Variants in POLA1 observed in about 807,000 individuals in gnomAD.
POLA1 encodes DNA polymerase alpha catalytic subunit.
POLA1 carries 15 observed loss-of-function variants against 124.0 expected under a neutral mutation model. The ratio of observed to expected loss-of-function variants is 0.12; its 90% confidence interval spans 0.08 to 0.19. POLA1 has a LOEUF of 0.19. POLA1 is among the 10% of genes least tolerant of loss of function. The probability of loss-of-function intolerance (pLI) is 1.00; values close to 1 mark genes in which losing one functional copy is unlikely to be tolerated. For synonymous variants in POLA1, 408 were observed against 389.4 expected, an observed-to-expected ratio of 1.05 and a Z score of -0.56; for missense variants, 886 against 1,103.4, an observed-to-expected ratio of 0.80 and a Z score of 2.79.
At chrX:24,812,606 T>C in intron 28 of POLA1, 52 bp from the exon 29 acceptor site, 2 of 720,041 alleles carry the variant, frequency 2.8e-6, no homozygotes, top group Non-Finnish European at 4.2e-6. Flanking sequence ...ATGTTCATCT[T>C]CTCCCTATTA....
At chrX:24,744,510 T>C (rs778905252) in intron 23 of POLA1, 9 of 354,796 alleles carry the variant, frequency 2.5e-5, no homozygotes, top group Admixed American at 2.4e-4. Flanking sequence ...TACAGAAATA[T>C]AGTAGCTTTC....
chrX:24,947,346 C>A (rs1463771417), intron 36 of POLA1, among the ~76,000 whole-genome samples: 3 of 94,699 alleles, frequency 3.2e-5, no homozygotes, highest in Admixed American at 1.3e-4. Context: ...CGGCTCACTG[C>A]AGCCTTGACT....
At position 24,897,361 on chromosome X, in the gene POLA1, C is replaced by A. The variant is rs766372867; in HGVS notation, c.4164+9239C>A. Among the ~76,000 whole-genome samples the A allele has an allele frequency of 2.0e-3, 203 of 102,889 alleles. 2 individuals are homozygous for A. The highest frequency in any genetic ancestry group is 3.4e-3 in the Non-Finnish European group (173 of 50,207). 89.3% of individuals were successfully genotyped at this position (102,889 alleles called of 115,157 possible). The stretch of plus-strand genomic sequence containing the variant: ...TGCCTTCCTCTTCTCTTCACTGCCC[C>A]CCCCCCCACCAACCCCCACCTCAGC... On this transcript the variant is annotated intron_variant, in intron 35 of 36. Transcript: ENST00000379068.
chrX:24,918,020 G>A (rs772305777), intron 35 of POLA1, among the ~76,000 whole-genome samples: 12 of 110,929 alleles, frequency 1.1e-4, no homozygotes, highest in African/African-American at 3.6e-4. Context: ...GAAGCAGTCT[G>A]TCCGACTCTG....
chrX:24,990,945 G>A (rs1342213816), intron 36 of POLA1, among the ~76,000 whole-genome samples: 2 of 111,881 alleles, frequency 1.8e-5, no homozygotes, highest in African/African-American at 6.5e-5. Context: ...CCATCTCTCA[G>A]TGATGATGAC....
intron 36 of POLA1, among the ~76,000 whole-genome samples, chrX:24,943,490 A>G (rs1005808839): frequency 2.7e-5 from 3 of 112,534 alleles, no homozygotes; most frequent in Non-Finnish European, 1.9e-5. Flanking sequence ...CTTCAAGTTT[A>G]CTGGTATATT....
At chrX:24,882,684 GGTGTGTGTGT>G (rs57530564) in intron 34 of POLA1, among the ~76,000 whole-genome samples, 142 of 87,604 alleles carry the variant, frequency 1.6e-3, no homozygotes, top group African/African-American at 2.0e-3. Flanking sequence ...TATATTCCAT[GGTGTGTGTGT>G]GTGTGTGTGT....
At chrX:24,726,726 A>G (rs1167631062) in intron 13 of POLA1, among the ~76,000 whole-genome samples, 1 of 111,252 alleles carries the variant, frequency 9.0e-6, no homozygotes, top group Non-Finnish European at 1.9e-5. Context: ...TGTCATCAAG[A>G]TGCATTATTT....
chrX:24,924,066 G>A (rs2047657824), intron 35 of POLA1, among the ~76,000 whole-genome samples: 1 of 112,066 alleles, frequency 8.9e-6, no homozygotes, highest in Admixed American at 9.5e-5. Context: ...AGACACTCAT[G>A]TTCAAGAGTT....
At chrX:24,895,399 C>A (rs1449562477) in intron 35 of POLA1, among the ~76,000 whole-genome samples, 1 of 112,082 alleles carries the variant, frequency 8.9e-6, no homozygotes, top group Non-Finnish European at 1.9e-5. Flanking sequence ...GCACACGCTT[C>A]TGAAGCCATC....
intron 36 of POLA1, among the ~76,000 whole-genome samples, chrX:24,970,107 A>T (rs1423322179): frequency 8.9e-6 from 1 of 112,117 alleles, no homozygotes; most frequent in Non-Finnish European, 1.9e-5. Flanking sequence ...GTCTCTGCAG[A>T]CATAAAGACA....
At chrX:24,714,294 A>C (rs778793844) in intron 4 of POLA1, among the ~76,000 whole-genome samples, 6 of 111,399 alleles carry the variant, frequency 5.4e-5, no homozygotes, top group Admixed American at 9.5e-5. Flanking sequence ...AGTAGCTGGG[A>C]CTGCAGGCGC....
intron 35 of POLA1, among the ~76,000 whole-genome samples, chrX:24,930,186 GT>G (rs2047754193): frequency 8.9e-6 from 1 of 112,351 alleles, no homozygotes; most frequent in African/African-American, 3.2e-5. Context: ...ACAAAATCAG[GT>G]TTTTGACAGC....
chrX:24,732,589 G>GTT (rs1197349636), intron 16 of POLA1, 135 bp downstream of exon 16: 89 of 116,338 alleles, frequency 7.7e-4, no homozygotes, highest in Middle Eastern at 2.6e-3. Flanking sequence ...AGAGGGTTTT[G>GTT]TTTTTTTTTG....
intron 34 of POLA1, among the ~76,000 whole-genome samples, chrX:24,885,083 C>G (rs1342650360): frequency 8.9e-6 from 1 of 111,991 alleles, no homozygotes; most frequent in Non-Finnish European, 1.9e-5. Context: ...GAAAAGAACT[C>G]TATAGTTTTT....
chrX:24,706,840 T>C (rs1334802564), intron 4 of POLA1, among the ~76,000 whole-genome samples: 2 of 112,556 alleles, frequency 1.8e-5, no homozygotes, highest in East Asian at 5.5e-4. Flanking sequence ...TTTGTTTGTA[T>C]TCAAATTTCA....
At chrX:24,712,327 G>T (rs937191553) in intron 4 of POLA1, among the ~76,000 whole-genome samples, 19 of 110,190 alleles carry the variant, frequency 1.7e-4, no homozygotes, top group African/African-American at 6.0e-4. Context: ...CTCGTATTCC[G>T]CCCGCCTCGT....
intron 1 of POLA1, among the ~76,000 whole-genome samples, chrX:24,695,896 GT>G (rs1219195347): frequency 3.5e-5 from 4 of 112,683 alleles, no homozygotes; most frequent in Admixed American, 9.4e-5. Context: ...CATTATGATG[GT>G]GGGTAGGCTG....
At chrX:24,729,889 C>T in intron 15 of POLA1, among the ~76,000 whole-genome samples, 1 of 110,578 alleles carries the variant, frequency 9.0e-6, no homozygotes, top group Non-Finnish European at 1.9e-5. Context: ...ACTGTGGCCT[C>T]TGCCTCCCAG....
Sources: allele counts gnomAD v4.1 joint callset (sites outside exome capture counted in the v4.1 genomes callset), GRCh38; gene constraint gnomAD v4.1.1; transcripts MANE v1.5; gene names NCBI Gene and HGNC (gene_info 2026-07-23, HGNC 2026-07-21).